The following TRPC5 variants were observed in gnomAD, a reference collection of about 807,000 sequenced individuals.
TRPC5 encodes short transient receptor potential channel 5.
A neutral mutation model predicts 56.5 loss-of-function variants in TRPC5; 9 were observed. The observed-to-expected ratio is 0.16, with a 90% CI of 0.10 to 0.28. TRPC5 has a LOEUF of 0.28. Among genes scored for constraint, TRPC5 ranks in the 10% least tolerant of loss-of-function variants. The pLI is 1.00. For synonymous variants in TRPC5, 282 were observed against 278.5 expected (o/e 1.01, Z -0.13); for missense variants, 469 against 748.9 (o/e 0.63, Z 4.36).
At chrX:112,050,111 G>A in intron 1 of TRPC5, among the ~76,000 whole-genome samples, 1 of 112,215 alleles carries the variant, frequency 8.9e-6, no homozygotes, top group Non-Finnish European at 1.9e-5. Flanking sequence ...GGTAGGCGGA[G>A]GTTTCAGTGA....
Position 111,904,653 on chromosome X carries a change from G to C in TRPC5, c.900+7638C>G, listed in dbSNP as rs1185442125. ...TGTTGGGGGCTGGGGTGGGGAGAGA[G>C]AGCATCAAGAATGGATTCCCAGCTA... is the stretch of plus-strand genomic sequence containing the variant. On this transcript the variant is annotated intron_variant, in intron 3 of 10. Coordinates refer to ENST00000262839, the MANE Select transcript of TRPC5 (RefSeq NM_012471.3). Among the ~76,000 whole-genome samples, 4 of 110,979 alleles carry C rather than the reference G, an allele frequency of 3.6e-5. No individual in the cohort carries two copies. In the East Asian group the frequency reaches 8.5e-4, roughly 24 times the overall value.
chrX:111,855,309 C>G (rs758850960), intron 3 of TRPC5, among the ~76,000 whole-genome samples: 95 of 111,608 alleles, frequency 8.5e-4, no homozygotes, highest in African/African-American at 3.0e-3. Context: ...TAACTTCTCA[C>G]TGTGGGAAAT....
At chrX:111,822,510 C>A (rs542473190) in intron 7 of TRPC5, among the ~76,000 whole-genome samples, 5 of 111,655 alleles carry the variant, frequency 4.5e-5, no homozygotes, top group African/African-American at 1.6e-4. Flanking sequence ...AGGTTAAGTG[C>A]AGCCTTAAGG....
chrX:112,051,504 C>G (rs530691683), intron 1 of TRPC5, among the ~76,000 whole-genome samples: 3 of 111,685 alleles, frequency 2.7e-5, no homozygotes, highest in African/African-American at 9.8e-5. Context: ...CAATGTTCAT[C>G]TGTTCAAAAG....
chrX:112,046,004 A>T (rs774050035), intron 1 of TRPC5, among the ~76,000 whole-genome samples: 2 of 110,861 alleles, frequency 1.8e-5, no homozygotes, highest in East Asian at 5.7e-4. Context: ...CAACTTGAGG[A>T]GGAGTTACTG....
At chrX:111,856,262 C>A (rs982401895) in intron 3 of TRPC5, among the ~76,000 whole-genome samples, 1 of 110,599 alleles carries the variant, frequency 9.0e-6, no homozygotes, top group Non-Finnish European at 1.9e-5. Context: ...ATGGACTCAG[C>A]TGGGCACGGT....
chrX:111,808,714 G>A (rs1298104550), intron 7 of TRPC5, among the ~76,000 whole-genome samples: 2 of 109,473 alleles, frequency 1.8e-5, no homozygotes, highest in Non-Finnish European at 1.9e-5. Context: ...CAAGCAGAAG[G>A]GGTCTCTCCC....
At chrX:111,878,926 C>T (rs929061930) in intron 3 of TRPC5, among the ~76,000 whole-genome samples, 1 of 111,728 alleles carries the variant, frequency 9.0e-6, no homozygotes, top group African/African-American at 3.3e-5. Flanking sequence ...CTTTGCTTCT[C>T]CCTGGAGTGA....
intron 1 of TRPC5, among the ~76,000 whole-genome samples, chrX:112,027,581 C>T (rs1208959136): frequency 9.0e-6 from 1 of 111,330 alleles, no homozygotes; most frequent in Non-Finnish European, 1.9e-5. Context: ...ACTGCAAGCT[C>T]CGCCTCCCGG....
intron 1 of TRPC5, among the ~76,000 whole-genome samples, chrX:111,969,032 A>AG (rs1927703299): frequency 9.2e-6 from 1 of 108,917 alleles, no homozygotes; most frequent in Non-Finnish European, 1.9e-5. Context: ...AAAACAACAA[A>AG]AAAAATAAAT....
intron 1 of TRPC5, among the ~76,000 whole-genome samples, chrX:111,987,412 A>T (rs1011704342): frequency 1.8e-5 from 2 of 111,247 alleles, no homozygotes; most frequent in African/African-American, 6.5e-5. Flanking sequence ...TACACAATAC[A>T]ATATTATTAA....
At chrX:111,977,423 A>T (rs918986348) in intron 1 of TRPC5, among the ~76,000 whole-genome samples, 1 of 112,171 alleles carries the variant, frequency 8.9e-6, no homozygotes, top group Non-Finnish European at 1.9e-5. Context: ...CTGGATATCC[A>T]AATGCAAAAA....
At chrX:111,913,758 A>C (rs1925889442) in intron 2 of TRPC5, among the ~76,000 whole-genome samples, 2 of 111,187 alleles carry the variant, frequency 1.8e-5, no homozygotes, top group African/African-American at 6.5e-5. Context: ...CAAGAGATAG[A>C]GACCATCCTG....
At chrX:111,941,630 C>G (rs1054408541) in intron 2 of TRPC5, among the ~76,000 whole-genome samples, 3 of 112,295 alleles carry the variant, frequency 2.7e-5, no homozygotes, top group Non-Finnish European at 3.8e-5. Context: ...AAAGTCACAG[C>G]TGTTCTACTT....
intron 7 of TRPC5, among the ~76,000 whole-genome samples, chrX:111,834,119 T>TA (rs1338844602): frequency 1.8e-5 from 2 of 111,847 alleles, no homozygotes; most frequent in South Asian, 3.7e-4. Flanking sequence ...TACTTTGACA[T>TA]AAAAAACCAG....
chrX:111,882,817 G>A (rs1357345077), intron 3 of TRPC5, among the ~76,000 whole-genome samples: 2 of 112,422 alleles, frequency 1.8e-5, no homozygotes, highest in Admixed American at 9.4e-5. Flanking sequence ...TGGGCGCTGT[G>A]GCTCATGCCT....
At chrX:111,928,790 G>C (rs780303790) in intron 2 of TRPC5, among the ~76,000 whole-genome samples, 1 of 112,378 alleles carries the variant, frequency 8.9e-6, no homozygotes, top group East Asian at 2.8e-4. Context: ...AACATCGGCT[G>C]TCTTGTTCTT....
intron 7 of TRPC5, among the ~76,000 whole-genome samples, chrX:111,807,956 C>CTCTGTGTGTG (rs905386723): frequency 0.026 from 2,411 of 91,864 alleles, 105 homozygotes; most frequent in African/African-American, 0.11. Context: ...CTCTCTCTCT[C>CTCTGTGTGTG]TGTGTGTGTG....
At chrX:111,933,149 G>T (rs1432328247) in intron 2 of TRPC5, among the ~76,000 whole-genome samples, 1 of 112,146 alleles carries the variant, frequency 8.9e-6, no homozygotes, top group East Asian at 2.8e-4. Flanking sequence ...ATTGTCTCAT[G>T]TTTGTTGTTA....
Sources: allele counts gnomAD v4.1 joint callset (sites outside exome capture counted in the v4.1 genomes callset), GRCh38; gene constraint gnomAD v4.1.1; transcripts MANE v1.5; gene names NCBI Gene and HGNC (gene_info 2026-07-23, HGNC 2026-07-21).